RREB1: variants seen among roughly 807,000 people sequenced by gnomAD.
RREB1 encodes the protein ras responsive element binding protein 1.
Under a neutral mutation model 117.8 loss-of-function variants are expected in RREB1, and 27 were observed. The ratio of observed to expected loss-of-function variants is 0.23; its 90% CI spans 0.17 to 0.32. The LOEUF (loss-of-function observed/expected upper bound fraction) is 0.32, where lower values mean the gene tolerates loss of function less well. Ranked by LOEUF, RREB1 falls within the 10% of genes least tolerant of loss-of-function variation. RREB1 has a pLI of 1.00. For missense variants in RREB1, 2,577 were observed against 2,378.2 expected, an observed-to-expected ratio of 1.08 and a Z score of -1.74; for synonymous variants, 1,298 against 1,026.7, an observed-to-expected ratio of 1.26 and a Z score of -5.05.
chr6:7,141,785 G>A (rs897987370), intron 1 of RREB1, among the ~76,000 whole-genome samples: 3 of 152,262 alleles, frequency 2.0e-5, no homozygotes, highest in African/African-American at 7.2e-5. Flanking sequence ...CCTGGAAGGA[G>A]CGGGGCGTGT....
At chr6:7,196,777 G>A (rs1465272724) in intron 6 of RREB1, among the ~76,000 whole-genome samples, 1 of 152,096 alleles carries the variant, frequency 6.6e-6, no homozygotes, top group East Asian at 1.9e-4. Context: ...TACTATATCT[G>A]GTACAGCTTT....
chr6:7,207,766 AAG>A (rs879428358), intron 6 of RREB1, among the ~76,000 whole-genome samples: 2 of 152,210 alleles, frequency 1.3e-5, no homozygotes, highest in Non-Finnish European at 2.9e-5. Context: ...CACTTTTGAA[AAG>A]AGAACGCATT....
chr6:7,246,490 G>A lies in RREB1; in HGVS notation c.4040G>A (p.Arg1347Lys), dbSNP rs377233353. The A allele has an allele frequency of 1.3e-6, 2 of 1,543,314 alleles. No homozygotes were observed. The highest frequency in any genetic ancestry group is 2.4e-5 in the South Asian group (2 of 83,854). ...GTGCTAGACCTCACCTCACGGGACAGAGAGCAGCCGTCGGAGGGCGCCACT... is the reference window on the plus strand; with the variant it reads ...GTGCTAGACCTCACCTCACGGGACAAAGAGCAGCCGTCGGAGGGCGCCACT... ...GEVLDLTSRD[R>K]EQPSEGATEL... Residue 1347 changes from arginine (R) to lysine (K), a missense_variant, in exon 12 of 13, where the codon AGA (arginine) becomes AAA (lysine). Physicochemically the swap from Arg to Lys is conservative, Grantham distance 26. Transcript: ENST00000379938.
At chr6:7,199,340 G>A (rs1483123673) in intron 6 of RREB1, among the ~76,000 whole-genome samples, 1 of 152,190 alleles carries the variant, frequency 6.6e-6, no homozygotes, top group Non-Finnish European at 1.5e-5. Flanking sequence ...ACAAATTGTA[G>A]TTCAAGGCCT....
intron 1 of RREB1, among the ~76,000 whole-genome samples, chr6:7,165,259 G>C (rs1186446108): frequency 2.6e-5 from 4 of 152,194 alleles, no homozygotes; most frequent in Non-Finnish European, 5.9e-5. Flanking sequence ...CCTTGCCTTC[G>C]TGTGGTCAGC....
At position 7,248,572 on chromosome 6, in the gene RREB1, T is replaced by C. The variant is rs781605628; in HGVS notation, c.4833T>C (p.Val1611=). ...CCTTCACCTTGAAGCACAGCCTGGT[T>C]CGCCACCAGCGGATCCACCAGAAAG... ...ERTFTLKHSL[V]RHQRIHQKAR... The change falls in exon 13 of 13, where the codon GTT becomes GTC. Residue 1611 remains valine, a synonymous_variant. Coordinates refer to ENST00000379938, the MANE Select transcript of RREB1 (RefSeq NM_001003699.4). 3.7e-6 allele frequency: 6 copies of C among 1,614,256 alleles called. No homozygotes were observed. The Admixed American group carries it at 1.0e-4, about 27-fold the overall frequency.
chr6:7,169,264 C>G (rs1764101751), intron 1 of RREB1, among the ~76,000 whole-genome samples: 1 of 152,214 alleles, frequency 6.6e-6, no homozygotes, highest in African/African-American at 2.4e-5. Flanking sequence ...TGTGGGACAT[C>G]TTTAGCCTTG....
In RREB1 at chr6:7,230,649, C is replaced by G. The variant is rs750223399; in HGVS notation, c.2550C>G (p.Cys850Trp). 10 of 1,599,820 alleles carry G rather than the reference C, an allele frequency of 6.3e-6. No homozygotes were observed. Residue 850 changes from cysteine (C) to tryptophan (W), a missense_variant, in exon 10 of 13, where the codon TGC becomes TGG. By Grantham distance (215) the Cys-to-Trp change is radical. Transcript: ENST00000379938. ...CGGGGCGCGGGGAGGACAGTGGCTG[C>G]GCTGCCCTTGGTGACTGCAAGCCCC... ...EASGRGEDSG[C>W]AALGDCKPLT...
chr6:7,224,798 G>A (rs1357994912), intron 8 of RREB1, among the ~76,000 whole-genome samples: 2 of 152,050 alleles, frequency 1.3e-5, no homozygotes, highest in Non-Finnish European at 2.9e-5. Flanking sequence ...CCCTTCCCTG[G>A]GCCTTGACCA....
intron 6 of RREB1, 100 bp downstream of exon 6, chr6:7,189,422 C>T (rs1765279274): frequency 8.8e-7 from 1 of 1,137,160 alleles, no homozygotes; most frequent in South Asian, 1.6e-5. Context: ...CCTAAAGGTA[C>T]AGAGAGTTCT....
At chr6:7,158,897 C>T (rs1345248290) in intron 1 of RREB1, among the ~76,000 whole-genome samples, 1 of 151,616 alleles carries the variant, frequency 6.6e-6, no homozygotes, top group African/African-American at 2.4e-5. Flanking sequence ...GCTTAAAGGC[C>T]AGGAAAAAAC....
chr6:7,185,847 C>T (rs1765054715), intron 4 of RREB1, among the ~76,000 whole-genome samples: 1 of 152,192 alleles, frequency 6.6e-6, no homozygotes, highest in Admixed American at 6.5e-5. Flanking sequence ...TGTGGAGCAG[C>T]TGGCCTGGGT....
intron 1 of RREB1, among the ~76,000 whole-genome samples, chr6:7,126,243 G>A (rs537089613): frequency 1.2e-4 from 19 of 152,034 alleles, no homozygotes; most frequent in African/African-American, 3.1e-4. Context: ...CTCGTGATCC[G>A]CCCGCCTTGG....
chr6:7,210,854 C>T lies in RREB1; in HGVS notation c.476C>T (p.Pro159Leu), dbSNP rs1201615444. The T allele has an allele frequency of 6.2e-7, 1 of 1,614,112 alleles. No individual in the cohort carries two copies. The highest frequency in any genetic ancestry group is 2.2e-5 in the East Asian group (1 of 44,894). ...KDPNSATATA[P>L]PSPLKRRRLS... The stretch of plus-strand genomic sequence containing the variant: ...CCTAACAGTGCCACAGCCACAGCCC[C>T]TCCATCTCCTCTGAAACGTAGGCGA... The change falls in exon 7 of 13, where the codon CCT (proline) becomes CTT (leucine). Residue 159 changes from proline to leucine, a missense_variant. Physicochemically the swap from Pro to Leu is moderately conservative, Grantham distance 98. Transcript: ENST00000379938.
intron 6 of RREB1, among the ~76,000 whole-genome samples, chr6:7,194,947 A>G (rs1765594719): frequency 1.3e-5 from 2 of 152,212 alleles, no homozygotes; most frequent in African/African-American, 2.4e-5. Context: ...TGTAAAAGGT[A>G]GTATTATCCG....
At chr6:7,173,438 A>G (rs1433986313) in intron 1 of RREB1, among the ~76,000 whole-genome samples, 1 of 151,674 alleles carries the variant, frequency 6.6e-6, no homozygotes, top group Non-Finnish European at 1.5e-5. Flanking sequence ...GATTGCAGTG[A>G]GCCAAGATCG....
At chr6:7,154,564 T>C (rs952147236) in intron 1 of RREB1, among the ~76,000 whole-genome samples, 1 of 152,252 alleles carries the variant, frequency 6.6e-6, no homozygotes, top group Non-Finnish European at 1.5e-5. Context: ...TAGCACTTTA[T>C]AGATTTGACT....
intron 4 of RREB1, chr6:7,185,152 C>G (rs1157903628): frequency 6.6e-6 from 1 of 152,192 alleles, no homozygotes; most frequent in Non-Finnish European, 1.5e-5. Flanking sequence ...TAAATGAGTA[C>G]GACTGGGAAT....
At position 7,249,101 on chromosome 6, in the gene RREB1, G is replaced by GAGACAGACAGACAGAC; in HGVS notation, c.*138_*139insGACAGACAGACAGACA. Reference sequence around the variant, plus strand: ...AGAGAGAGAGAGAGAGAGAGAGAGAGAGACAAGCAGGAGCGTGGCTGCTCG... The same window carrying GAGACAGACAGACAGAC: ...AGAGAGAGAGAGAGAGAGAGAGAGAGAGACAGACAGACAGACAGACAAGCAGGAGCGTGGCTGCTCG... On this transcript the variant is annotated 3_prime_UTR_variant, in exon 13 of 13. Transcript: ENST00000379938. The GAGACAGACAGACAGAC allele has an allele frequency of 3.4e-6, 2 of 592,044 alleles. No individual in the cohort carries two copies. Among genetic ancestry groups the GAGACAGACAGACAGAC allele is most frequent in the African/African-American group, 2.1e-5 (1 of 48,720 alleles). The allele number at this position is 592,044 out of a possible 1,614,324, so 36.7% of individuals were successfully genotyped here. A position where few individuals can be genotyped will look rare whatever the true frequency, so the allele number is the denominator to read the frequency against.
Sources: allele counts gnomAD v4.1 joint callset (sites outside exome capture counted in the v4.1 genomes callset), GRCh38; gene constraint gnomAD v4.1.1; transcripts MANE v1.5; gene names NCBI Gene and HGNC (gene_info 2026-07-23, HGNC 2026-07-21).